The following RPH3AL variants were observed in gnomAD, a reference collection of about 807,000 sequenced individuals.
RPH3AL encodes the protein rab effector Noc2.
RPH3AL carries 38 observed loss-of-function variants against 43.1 expected under a neutral mutation model. The observed-to-expected ratio is 0.88, with a 90% CI of 0.68 to 1.15. The LOEUF is 1.15. Among genes scored for constraint, RPH3AL ranks in the 50% most tolerant of loss-of-function variants. RPH3AL has a pLI of 0.00. For missense variants in RPH3AL, 462 were observed against 423.2 expected, an observed-to-expected ratio of 1.09 and a Z score of -0.81; for synonymous variants, 189 against 176.3, an observed-to-expected ratio of 1.07 and a Z score of -0.57.
chr17:317,760 C>T (rs768367113), intron 5 of RPH3AL, among the ~76,000 whole-genome samples: 1 of 152,232 alleles, frequency 6.6e-6, no homozygotes, highest in Non-Finnish European at 1.5e-5. Flanking sequence ...GGCAGGTTAA[C>T]TTCACTGTAC....
At chr17:263,244 G>A (rs902440862) in intron 6 of RPH3AL, among the ~76,000 whole-genome samples, 8 of 152,160 alleles carry the variant, frequency 5.3e-5, no homozygotes, top group Non-Finnish European at 8.8e-5. Context: ...CAAAGCTGAC[G>A]GAAGAAGACA....
intron 6 of RPH3AL, among the ~76,000 whole-genome samples, chr17:278,830 C>G (rs2042717520): frequency 6.6e-6 from 1 of 152,182 alleles, no homozygotes; most frequent in Admixed American, 6.5e-5. Context: ...GCTCCCAAAG[C>G]AGATGGGCTG....
rs34369453 is a variant in RPH3AL, at chr17:225,115, GAAA to G, written c.614-5382_614-5380del. 1.3e-3 allele frequency among the ~76,000 whole-genome samples: 176 copies of G among 139,134 alleles called. 1 individual carries two copies. Among genetic ancestry groups the G allele is most frequent in the Non-Finnish European group, 1.7e-3 (111 of 64,624 alleles). 91.3% of individuals were successfully genotyped at this position (139,134 alleles called of 152,430 possible). A position where few individuals can be genotyped will look rare whatever the true frequency, so the allele number is the denominator to read the frequency against. On this transcript the variant is annotated intron_variant, in intron 7 of 9. Coordinates refer to ENST00000331302, the MANE Select transcript of RPH3AL (RefSeq NM_006987.4). This position sits in a 1 kb window ranked among gnomAD's most constrained non-coding sequence, Gnocchi z 4.4. ...GTACCCTAGAACTTAAAATATAATG[GAAA>G]AAAAAAAAAAAAGAGTGATGAGCAT...
chr17:238,499 C>G (rs377412894), intron 7 of RPH3AL, among the ~76,000 whole-genome samples: 1 of 152,176 alleles, frequency 6.6e-6, no homozygotes, highest in African/African-American at 2.4e-5. Context: ...CGCTTCCGCG[C>G]GTAGTGACTC....
chr17:318,419 A>G lies in RPH3AL; in HGVS notation c.351+1001T>C, dbSNP rs557588217. ...AAAGCATGACTAGCACATGGAAGTT[A>G]CTTGAGGATGGGTTCCAGCAAAACT... On this transcript the variant is annotated intron_variant, in intron 5 of 9. Coordinates refer to ENST00000331302, the MANE Select transcript of RPH3AL (RefSeq NM_006987.4). Among the ~76,000 whole-genome samples the G allele has an allele frequency of 2.0e-5, 3 of 152,268 alleles. No individual in the cohort carries two copies. In the East Asian group the frequency reaches 5.8e-4, roughly 29 times the overall value.
chr17:304,995 G>A (rs1398204004), intron 5 of RPH3AL, among the ~76,000 whole-genome samples: 1 of 43,376 alleles, frequency 2.3e-5, no homozygotes, highest in Non-Finnish European at 4.5e-5. Flanking sequence ...GGGACAGGGC[G>A]AGAGGGGACA....
At chr17:263,573 A>C (rs191728301) in intron 6 of RPH3AL, among the ~76,000 whole-genome samples, 11 of 152,344 alleles carry the variant, frequency 7.2e-5, no homozygotes, top group African/African-American at 2.6e-4. Context: ...ATTAAAATTA[A>C]AATGTAACAG....
intron 6 of RPH3AL, among the ~76,000 whole-genome samples, chr17:265,232 G>A (rs950912309): frequency 3.3e-5 from 5 of 152,108 alleles, no homozygotes; most frequent in South Asian, 2.1e-4. Flanking sequence ...GACTGCAGGC[G>A]CATGCCACCA....
chr17:219,478 T>G, intron 8 of RPH3AL, 145 bp downstream of exon 8: 1 of 567,504 alleles, frequency 1.8e-6, no homozygotes, highest in Middle Eastern at 4.6e-4. Flanking sequence ...ATTACAGACA[T>G]AAGCCACTGT....
Position 219,684 on chromosome 17 carries a change from C to T in RPH3AL, c.666G>A (p.Glu222=), listed in dbSNP as rs1201752327. The T allele has an allele frequency of 1.9e-6, 3 of 1,613,628 alleles. No individual in the cohort carries two copies. Among genetic ancestry groups the T allele is most frequent in the Middle Eastern group, 1.6e-4 (1 of 6,084 alleles). The change falls in exon 8 of 10, where the codon GAG becomes GAA. Residue 222 remains glutamate (E), a synonymous_variant. Transcript: ENST00000331302. ...SDSDLSSSSL[E]DRLPSTGVRD... ...TGACCCCAGTGGATGGGAGTCTGTC[C>T]TCTAGGCTGGAGGAGCTAAGATCCG...
intron 5 of RPH3AL, among the ~76,000 whole-genome samples, chr17:316,165 G>T (rs2044157664): frequency 3.4e-5 from 5 of 148,224 alleles, no homozygotes; most frequent in African/African-American, 1.2e-4. Flanking sequence ...TTGACCTGTA[G>T]TCCCTGTGCT....
Position 215,768 on chromosome 17 carries a change from G to C in RPH3AL, c.762C>G (p.Thr254=), listed in dbSNP as rs1206077512. Residue 254 remains threonine (T), a synonymous_variant, in exon 9 of 10, where the codon ACC becomes ACG. Coordinates refer to ENST00000331302, the MANE Select transcript of RPH3AL (RefSeq NM_006987.4). This position sits in a 1 kb window ranked among gnomAD's most constrained non-coding sequence, Gnocchi z 4.1. The part of the protein sequence containing the change: ...GSVEAPRMGF[T]HPPGHLSGCQ... Reference sequence around the variant, plus strand: ...ACCCAGAGAGGTGGCCCGGCGGGTGGGTGAACCCCATCCTGGGGGCCTCCA... The same window carrying C: ...ACCCAGAGAGGTGGCCCGGCGGGTGCGTGAACCCCATCCTGGGGGCCTCCA... 1 of 1,307,516 alleles carries C rather than the reference G, an allele frequency of 7.6e-7. No homozygotes were observed. The highest frequency in any genetic ancestry group is 9.8e-7 in the Non-Finnish European group (1 of 1,024,914). The allele number at this position is 1,307,516 out of a possible 1,614,324, so 81.0% of individuals were successfully genotyped here.
At chr17:305,693 C>T (rs1418658692) in intron 5 of RPH3AL, among the ~76,000 whole-genome samples, 3 of 152,086 alleles carry the variant, frequency 2.0e-5, no homozygotes, top group South Asian at 2.1e-4. Flanking sequence ...TCTCCCACCA[C>T]GCCCACACCT....
At chr17:226,394 A>G (rs1166618977) in intron 7 of RPH3AL, among the ~76,000 whole-genome samples, 2 of 152,238 alleles carry the variant, frequency 1.3e-5, no homozygotes, top group African/African-American at 4.8e-5. Context: ...GAAGCAGGGA[A>G]GAGCCTCTCC....
At chr17:235,893 A>AC (rs1270951080) in intron 7 of RPH3AL, among the ~76,000 whole-genome samples, 16 of 144,972 alleles carry the variant, frequency 1.1e-4, no homozygotes, top group African/African-American at 2.8e-4. Context: ...CAGTAACAAG[A>AC]GGGATACAGG....
rs936194979 is a variant in RPH3AL, at chr17:333,072, C to T, written c.-37+687G>A. 7.8e-7 allele frequency: 1 copy of T among 1,288,780 alleles called. No homozygotes were observed. Among genetic ancestry groups the T allele is most frequent in the Non-Finnish European group, 1.0e-6 (1 of 988,702 alleles). The allele number at this position is 1,288,780 out of a possible 1,614,324, so 79.8% of individuals were successfully genotyped here. A position where few individuals can be genotyped will look rare whatever the true frequency, so the allele number is the denominator to read the frequency against. ...TTCTTCCAGGAGGATGCAATTCTCT[C>T]TCTAAAGTCGAGAGCTCACCACCCC... On this transcript the variant is annotated intron_variant, in intron 2 of 9. Transcript: ENST00000331302. This position sits in a 1 kb window ranked among gnomAD's most constrained non-coding sequence, Gnocchi z 4.5.
Position 273,022 on chromosome 17 carries a change from A to AAGAGACCCCAGCGAGGGCGACGTCAGGG in RPH3AL, c.438+8718_438+8745dup, listed in dbSNP as rs1361242612. ...AGACCCCAGCGAGGGCGACATCAGG[A>AAGAGACCCCAGCGAGGGCGACGTCAGGG]AGAGACCCCAGCGAGGGCGACGTCA... On this transcript the variant is annotated intron_variant, in intron 6 of 9. Transcript: ENST00000331302. Among the ~76,000 whole-genome samples the AAGAGACCCCAGCGAGGGCGACGTCAGGG allele has an allele frequency of 4.0e-4, 24 of 60,538 alleles. 1 individual carries two copies. The highest frequency in any genetic ancestry group is 1.2e-3 in the African/African-American group (18 of 14,980). 39.7% of individuals were successfully genotyped at this position (60,538 alleles called of 152,430 possible). A position where few individuals can be genotyped will look rare whatever the true frequency, so the allele number is the denominator to read the frequency against.
intron 6 of RPH3AL, among the ~76,000 whole-genome samples, chr17:265,090 C>T (rs1555547539): frequency 6.6e-6 from 1 of 152,092 alleles, no homozygotes; most frequent in African/African-American, 2.4e-5. Context: ...AATTAAGAGA[C>T]ATTTTTTCTT....
At chr17:226,709 C>T (rs2041114813) in intron 7 of RPH3AL, among the ~76,000 whole-genome samples, 1 of 152,200 alleles carries the variant, frequency 6.6e-6, no homozygotes, top group East Asian at 1.9e-4. Flanking sequence ...ATTGAAATGT[C>T]ACCGTAAAAC....
Sources: gnomAD v4.1 joint callset for allele counts (sites outside exome capture counted in the v4.1 genomes callset) on GRCh38, gnomAD v4.1.1 for gene constraint, Gnocchi (gnomAD v3.1) non-coding constraint, MANE v1.5 for transcripts, NCBI Gene and HGNC (gene_info 2026-07-23, HGNC 2026-07-21) for gene names.